The following HIVEP3 variants were observed in gnomAD, a reference collection of about 807,000 sequenced individuals.
HIVEP3 encodes the protein HIVEP zinc finger 3, also known as transcription factor HIVEP3.
Under a neutral mutation model 152.8 loss-of-function variants are expected in HIVEP3, and 49 were observed. The observed-to-expected ratio is 0.32, with a 90% CI of 0.26 to 0.41. The LOEUF (loss-of-function observed/expected upper bound fraction) is 0.41, where lower values mean the gene tolerates loss of function less well. HIVEP3 is among the 10% of genes least tolerant of loss of function. HIVEP3 has a pLI of 1.00. For missense variants in HIVEP3, 2,790 were observed against 3,103.3 expected, an observed-to-expected ratio of 0.90 and a Z score of 2.40; for synonymous variants, 1,269 against 1,289.0, an observed-to-expected ratio of 0.98 and a Z score of 0.33.
intron 2 of HIVEP3, among the ~76,000 whole-genome samples, chr1:41,656,005 C>T (rs939676837): frequency 4.6e-5 from 7 of 152,184 alleles, no homozygotes; most frequent in African/African-American, 1.7e-4. Flanking sequence ...TGGCTCAGAG[C>T]CCTTTGGGTC....
In HIVEP3 at chr1:41,613,097, G is replaced by T. The variant is rs143463798; in HGVS notation, c.-522+15652C>A. The stretch of plus-strand genomic sequence containing the variant: ...GAGGACAGCCAGGAGCACTGGGCGC[G>T]GAGTCAGCCGCTAGGGGCTCACTGC... On this transcript the variant is annotated intron_variant, in intron 3 of 8. Coordinates refer to ENST00000372583, the MANE Select transcript of HIVEP3 (RefSeq NM_024503.5). 2.3e-3 allele frequency among the ~76,000 whole-genome samples: 346 copies of T among 152,366 alleles called. 1 individual carries two copies. The highest frequency in any genetic ancestry group is 5.4e-3 in the South Asian group (26 of 4,830).
rs1463274010 is a variant in HIVEP3 at position 41,512,923 on chromosome 1, C to G, written c.6298G>C (p.Gly2100Arg). Residue 2100 changes from glycine (G) to arginine (R), a missense_variant, in exon 8 of 9, where the codon GGG becomes CGG. By Grantham distance (125) the Gly-to-Arg change is moderately radical. This residue lies in a region of HIVEP3 where 816 missense variants were observed against 806.5 expected (regional missense o/e 1.01). Coordinates refer to ENST00000372583, the MANE Select transcript of HIVEP3 (RefSeq NM_024503.5). ...ALAGPGSPSA[G>R]EHGPGLGLDP... ...AGCCCCAAGCCTGGGCCATGCTCCC[C>G]CGCTGAGGGGCTGCCCGGCCCAGCC... is the stretch of plus-strand genomic sequence containing the variant. 6.3e-7 allele frequency: 1 copy of G among 1,594,728 alleles called. No homozygotes were observed. The highest frequency in any genetic ancestry group is 2.3e-5 in the East Asian group (1 of 43,582).
intron 1 of HIVEP3, among the ~76,000 whole-genome samples, chr1:41,748,348 T>C (rs1647104274): frequency 6.6e-6 from 1 of 152,226 alleles, no homozygotes; most frequent in Non-Finnish European, 1.5e-5. Context: ...CCTAGTTTCA[T>C]GGAACAATGA....
chr1:41,906,751 G>A (rs1485231481), intron 1 of HIVEP3, among the ~76,000 whole-genome samples: 1 of 151,982 alleles, frequency 6.6e-6, no homozygotes, highest in Admixed American at 6.5e-5. Context: ...AGTGAACTGT[G>A]CTATGCTCTG....
intron 1 of HIVEP3, among the ~76,000 whole-genome samples, chr1:41,709,375 C>T (rs867509398): frequency 3.5e-4 from 54 of 152,342 alleles, no homozygotes; most frequent in Admixed American, 2.7e-3. Context: ...AGGACAGCTG[C>T]ATCCGGGTCA....
At chr1:41,929,726 T>TATA (rs1553135852) in intron 1 of HIVEP3, among the ~76,000 whole-genome samples, 6,024 of 112,628 alleles carry the variant, frequency 0.053, 430 homozygotes, top group East Asian at 0.18. Context: ...ATATGTGTTT[T>TATA]TATATATATA....
At chr1:41,688,365 C>G (rs1300282701) in intron 2 of HIVEP3, among the ~76,000 whole-genome samples, 1 of 152,210 alleles carries the variant, frequency 6.6e-6, no homozygotes, top group Admixed American at 6.5e-5. Flanking sequence ...AGAGAATGAA[C>G]GTAAATTCAG....
At chr1:41,696,829 A>G (rs1646284599) in intron 2 of HIVEP3, among the ~76,000 whole-genome samples, 1 of 152,364 alleles carries the variant, frequency 6.6e-6, no homozygotes, top group Admixed American at 6.5e-5. Flanking sequence ...CGGATGTGGA[A>G]TAGTAGGTGA....
rs543259695 is a variant in HIVEP3, at chr1:41,552,781, A to T, written c.5207+22763T>A. On this transcript the variant is annotated intron_variant, in intron 5 of 8. Coordinates refer to ENST00000372583, the MANE Select transcript of HIVEP3 (RefSeq NM_024503.5). ...TGGTATTTCTAGTTCTAGATCCCTG[A>T]ACTCACACCAGTTAGAATGGCAATC... Among the ~76,000 whole-genome samples, 126 of 152,316 alleles carry T rather than the reference A, an allele frequency of 8.3e-4. 1 individual carries two copies. Among genetic ancestry groups the T allele is most frequent in the African/African-American group, 2.6e-3 (106 of 41,566 alleles).
chr1:41,931,058 A>C (rs960178220), intron 1 of HIVEP3, among the ~76,000 whole-genome samples: 3 of 152,104 alleles, frequency 2.0e-5, no homozygotes, highest in Non-Finnish European at 4.4e-5. Context: ...ATTTTCTCAC[A>C]ATCTGTGGCT....
chr1:41,640,185 G>A (rs1396487497), intron 2 of HIVEP3, among the ~76,000 whole-genome samples: 1 of 150,932 alleles, frequency 6.6e-6, no homozygotes, highest in Non-Finnish European at 1.5e-5. Flanking sequence ...CCCAGGAGTC[G>A]AGGAGAATAC....
At chr1:41,925,967 CT>C (rs1168963176) in intron 1 of HIVEP3, among the ~76,000 whole-genome samples, 1 of 152,094 alleles carries the variant, frequency 6.6e-6, no homozygotes, top group Non-Finnish European at 1.5e-5. Flanking sequence ...CCCAGCCATA[CT>C]CTTAAAGGGA....
At chr1:41,676,130 C>T (rs573334890) in intron 2 of HIVEP3, among the ~76,000 whole-genome samples, 8 of 152,216 alleles carry the variant, frequency 5.3e-5, no homozygotes, top group African/African-American at 1.9e-4. Flanking sequence ...CGGCTCACTG[C>T]AACCTCCGCC....
chr1:41,767,098 A>C lies in HIVEP3; in HGVS notation c.-800-66103T>G, dbSNP rs1244240031. Among the ~76,000 whole-genome samples, 6 of 152,094 alleles carry C rather than the reference A, an allele frequency of 3.9e-5. No homozygotes were observed. The East Asian group carries it at 1.2e-3, about 29-fold the overall frequency. On this transcript the variant is annotated intron_variant, in intron 1 of 8. Transcript: ENST00000372583. ...TCCTGTGTGGTCCACAATGGTTCTT[A>C]CTCAGGTCCTGAACCTCTCATCTTC...
chr1:41,878,804 C>T (rs1290151310), intron 1 of HIVEP3, among the ~76,000 whole-genome samples: 1 of 146,856 alleles, frequency 6.8e-6, no homozygotes, highest in African/African-American at 2.5e-5. Context: ...TTCTTCCTCC[C>T]CTTCCCTCTC....
intron 5 of HIVEP3, among the ~76,000 whole-genome samples, chr1:41,562,597 T>TCCTTTCTCTC (rs763245562): frequency 2.9e-5 from 1 of 34,260 alleles, no homozygotes; most frequent in East Asian, 3.4e-4. Flanking sequence ...CTTCCTTCCT[T>TCCTTTCTCTC]TCTTTCTCTC....
intron 1 of HIVEP3, among the ~76,000 whole-genome samples, chr1:41,719,102 T>A (rs1262357959): frequency 1.3e-5 from 2 of 152,244 alleles, no homozygotes; most frequent in Non-Finnish European, 2.9e-5. Context: ...AGTGTGCTGC[T>A]GCAGCTAAAG....
At chr1:41,889,940 A>G (rs1644421655) in intron 1 of HIVEP3, among the ~76,000 whole-genome samples, 1 of 152,204 alleles carries the variant, frequency 6.6e-6, no homozygotes, top group Non-Finnish European at 1.5e-5. Flanking sequence ...TAATAGTTTA[A>G]CCATAATAAC....
intron 5 of HIVEP3, among the ~76,000 whole-genome samples, chr1:41,570,864 G>A (rs755565210): frequency 5.3e-5 from 8 of 152,208 alleles, no homozygotes; most frequent in Non-Finnish European, 7.3e-5. Flanking sequence ...GGAAAGATAC[G>A]GAGGTGAGCA....
Sources: allele counts gnomAD v4.1 joint callset (sites outside exome capture counted in the v4.1 genomes callset), GRCh38; gene constraint gnomAD v4.1.1; regional missense constraint gnomAD v4.1.1; transcripts MANE v1.5; gene names NCBI Gene and HGNC (gene_info 2026-07-23, HGNC 2026-07-21).